CALN1: variants seen among roughly 807,000 people sequenced by gnomAD.
The protein encoded by CALN1 is calcium-binding protein 8.
In CALN1, 17 loss-of-function variants were observed where a neutral mutation model predicts 30.6. The ratio of observed to expected loss-of-function variants is 0.56; its 90% CI spans 0.38 to 0.83. The LOEUF is 0.83. CALN1 is among the 40% of genes least tolerant of loss of function. The probability of loss-of-function intolerance (pLI) is 0.00; values close to 1 mark genes in which losing one functional copy is unlikely to be tolerated. For synonymous variants in CALN1, 156 were observed against 131.4 expected, an observed-to-expected ratio of 1.19 and a Z score of -1.28; for missense variants, 291 against 354.9, an observed-to-expected ratio of 0.82 and a Z score of 1.45.
At position 71,794,154 on chromosome 7, in the gene CALN1, T is replaced by G. The variant is rs1213936560; in HGVS notation, c.659-6252A>C. ...GAGCCTGAATTCCAATAAGTGAAGT[T>G]CAAGGTCATTTGGGAAATGGCAGAG... On this transcript the variant is annotated intron_variant, in intron 6 of 6. Transcript: ENST00000395275. Among the ~76,000 whole-genome samples, 3 of 152,160 alleles carry G rather than the reference T, an allele frequency of 2.0e-5. No homozygotes were observed. In the East Asian group the frequency reaches 5.8e-4, roughly 29 times the overall value.
intron 4 of CALN1, among the ~76,000 whole-genome samples, chr7:72,083,687 G>A (rs931744773): frequency 3.3e-5 from 5 of 152,094 alleles, no homozygotes; most frequent in African/African-American, 4.8e-5. Flanking sequence ...TTGGGAGGCC[G>A]AGGCAGGCAG....
At chr7:72,181,475 G>T in intron 3 of CALN1, among the ~76,000 whole-genome samples, 1 of 136,234 alleles carries the variant, frequency 7.3e-6, no homozygotes, top group African/African-American at 2.8e-5. Context: ...TCATAGTAAG[G>T]ATTTCCATAA....
At chr7:72,125,208 T>C (rs2129542466) in intron 3 of CALN1, among the ~76,000 whole-genome samples, 1 of 152,098 alleles carries the variant, frequency 6.6e-6, no homozygotes, top group South Asian at 2.1e-4. Flanking sequence ...AGAGATGGGG[T>C]TTCATCATGT....
chr7:72,335,140 T>G (rs1047881720), intron 2 of CALN1, among the ~76,000 whole-genome samples: 2 of 152,066 alleles, frequency 1.3e-5, no homozygotes, highest in African/African-American at 4.8e-5. Flanking sequence ...AAACTCCACA[T>G]TCTTCTTCCA....
chr7:72,383,288 G>A (rs1429129680), intron 2 of CALN1, among the ~76,000 whole-genome samples: 1 of 152,192 alleles, frequency 6.6e-6, no homozygotes, highest in African/African-American at 2.4e-5. Context: ...CTGTAATGAG[G>A]CTGCGGGGTG....
chr7:72,089,744 C>T (rs1805726952), intron 4 of CALN1, among the ~76,000 whole-genome samples: 1 of 152,094 alleles, frequency 6.6e-6, no homozygotes, highest in Non-Finnish European at 1.5e-5. Context: ...GTGAAATCCA[C>T]TATGAGGACA....
intron 3 of CALN1, among the ~76,000 whole-genome samples, chr7:72,242,369 T>A (rs1794899499): frequency 6.6e-6 from 1 of 152,180 alleles, no homozygotes; most frequent in South Asian, 2.1e-4. Flanking sequence ...AATTGATGGA[T>A]AATATGGTAA....
chr7:72,188,564 G>A (rs1043015416), intron 3 of CALN1, among the ~76,000 whole-genome samples: 5 of 151,880 alleles, frequency 3.3e-5, no homozygotes, highest in East Asian at 1.9e-4. Context: ...AGGGTGGGAG[G>A]GGGGTGAGGA....
chr7:72,418,119 CT>C (rs1289831607), intron 1 of CALN1, among the ~76,000 whole-genome samples: 4 of 152,018 alleles, frequency 2.6e-5, no homozygotes, highest in Non-Finnish European at 4.4e-5. Context: ...CCCCCTCCCC[CT>C]CTTCCCTCTC....
At chr7:72,258,311 T>C (rs1796051235) in intron 3 of CALN1, among the ~76,000 whole-genome samples, 1 of 152,166 alleles carries the variant, frequency 6.6e-6, no homozygotes, top group African/African-American at 2.4e-5. Flanking sequence ...TGGTTCCATT[T>C]AGCAGAGGAA....
At chr7:71,994,469 G>A (rs1159038302) in intron 5 of CALN1, among the ~76,000 whole-genome samples, 1 of 136,646 alleles carries the variant, frequency 7.3e-6, no homozygotes, top group African/African-American at 2.9e-5. Context: ...CCGAGATCGT[G>A]CCACTGCACT....
chr7:71,868,853 T>C (rs950450915), intron 5 of CALN1, among the ~76,000 whole-genome samples: 1 of 152,120 alleles, frequency 6.6e-6, no homozygotes, highest in Admixed American at 6.5e-5. Flanking sequence ...TAAAAGAGAA[T>C]ATAAAGTGAT....
chr7:72,375,649 T>C (rs1376739989), intron 2 of CALN1, among the ~76,000 whole-genome samples: 1 of 151,714 alleles, frequency 6.6e-6, no homozygotes, highest in African/African-American at 2.4e-5. Flanking sequence ...TATAAAAATA[T>C]AGACTTTAAA....
intron 4 of CALN1, among the ~76,000 whole-genome samples, chr7:72,048,974 C>T (rs933813374): frequency 1.3e-5 from 2 of 152,076 alleles, no homozygotes; most frequent in African/African-American, 2.4e-5. Flanking sequence ...CCATGCCCAG[C>T]TACTTTTATT....
intron 2 of CALN1, among the ~76,000 whole-genome samples, chr7:72,357,086 T>C (rs966817967): frequency 6.6e-6 from 1 of 152,034 alleles, no homozygotes; most frequent in Non-Finnish European, 1.5e-5. Flanking sequence ...AAGGAACTAA[T>C]GATTAAAATG....
At chr7:72,192,494 T>C (rs372207628) in intron 3 of CALN1, among the ~76,000 whole-genome samples, 3 of 152,140 alleles carry the variant, frequency 2.0e-5, no homozygotes, top group African/African-American at 7.2e-5. Context: ...AAGATGTTTA[T>C]GCAGGAAAGT....
chr7:71,861,807 G>C (rs1303063494), intron 5 of CALN1, among the ~76,000 whole-genome samples: 1 of 148,582 alleles, frequency 6.7e-6, no homozygotes, highest in African/African-American at 2.5e-5. Context: ...AAAAGAGAGA[G>C]AGAGTAATGT....
chr7:72,328,038 G>A (rs886269020), intron 2 of CALN1, among the ~76,000 whole-genome samples: 1 of 152,016 alleles, frequency 6.6e-6, no homozygotes, highest in African/African-American at 2.4e-5. Context: ...AAATGTTAAT[G>A]GTATTGAGAA....
chr7:71,941,645 T>A (rs1477393884), intron 5 of CALN1, among the ~76,000 whole-genome samples: 4 of 152,168 alleles, frequency 2.6e-5, no homozygotes, highest in Non-Finnish European at 4.4e-5. Context: ...GTAAAAATTA[T>A]AAAGTCAGAT....
Sources: allele counts gnomAD v4.1 joint callset (sites outside exome capture counted in the v4.1 genomes callset), GRCh38; gene constraint gnomAD v4.1.1; transcripts MANE v1.5; gene names NCBI Gene and HGNC (gene_info 2026-07-23, HGNC 2026-07-21).